Variants in SYNE1 observed in about 807,000 individuals in gnomAD.
SYNE1 encodes spectrin repeat containing nuclear envelope protein 1.
In SYNE1, 616 loss-of-function variants were observed where a neutral mutation model predicts 1,111.0. The ratio of observed to expected loss-of-function variants is 0.55; its 90% CI spans 0.52 to 0.59. The LOEUF (loss-of-function observed/expected upper bound fraction) is 0.59. Ranked by LOEUF, SYNE1 falls within the 20% of genes least tolerant of loss-of-function variation. The pLI is 0.00. For missense variants in SYNE1, 10,006 were observed against 10,417.0 expected (o/e 0.96, Z 1.72); for synonymous variants, 3,855 against 3,825.8 (o/e 1.01, Z -0.28).
At chr6:152,388,454 G>C (rs2097557043) in intron 53 of SYNE1, among the ~76,000 whole-genome samples, 1 of 152,060 alleles carries the variant, frequency 6.6e-6, no homozygotes. Flanking sequence ...TTTTGACTGT[G>C]ACTTCAGATA....
At chr6:152,615,659 A>T (rs537765553) in intron 3 of SYNE1, among the ~76,000 whole-genome samples, 2 of 152,354 alleles carry the variant, frequency 1.3e-5, no homozygotes, top group Admixed American at 1.3e-4. Context: ...TGATTAAAAC[A>T]TCTTTTACAT....
At chr6:152,218,014 G>GGCTAACATGA in intron 121 of SYNE1, among the ~76,000 whole-genome samples, 1 of 152,066 alleles carries the variant, frequency 6.6e-6, no homozygotes, top group Non-Finnish European at 1.5e-5. Context: ...TTCAAGACCA[G>GGCTAACATGA]TGAAACCTCG....
At chr6:152,617,010 G>T (rs886632946) in intron 3 of SYNE1, among the ~76,000 whole-genome samples, 3 of 152,128 alleles carry the variant, frequency 2.0e-5, no homozygotes, top group Non-Finnish European at 2.9e-5. Context: ...CTATGCAAAA[G>T]AACAATCTTG....
chr6:152,526,084 T>C lies in SYNE1; in HGVS notation c.221A>G (p.Lys74Arg). ...LALLEVLSGQ[K>R]LPCEQGRRMK... ...ATCACACAAAAAAATTCTTACCAGT[T>C]TCTGCCCAGACAGGACCTCCAGAAG... The change falls in exon 5 of 146, where the codon AAA (lysine) becomes AGA (arginine). Residue 74 changes from lysine to arginine, a missense_variant. Lys to Arg is a conservative substitution (Grantham distance 26). Coordinates refer to ENST00000367255, the MANE Select transcript of SYNE1 (RefSeq NM_182961.4). 6.2e-7 allele frequency: 1 copy of C among 1,613,916 alleles called. No individual in the cohort carries two copies. Among genetic ancestry groups the C allele is most frequent in the Non-Finnish European group, 8.5e-7 (1 of 1,179,882 alleles).
chr6:152,147,105 C>T (rs2059640953), intron 137 of SYNE1: 1 of 152,362 alleles, frequency 6.6e-6, no homozygotes, highest in African/African-American at 2.4e-5. Context: ...GGCCTAGGAC[C>T]ACCTGCATCT....
At chr6:152,282,035 T>C in intron 96 of SYNE1, 55 bp from the exon 97 acceptor site, 1 of 1,568,990 alleles carries the variant, frequency 6.4e-7, no homozygotes, top group Admixed American at 1.7e-5. Context: ...ATCTTGAGAA[T>C]TTAACACAGT....
chr6:152,435,806 A>T, intron 33 of SYNE1, 135 bp downstream of exon 33: 1 of 1,084,176 alleles, frequency 9.2e-7, no homozygotes, highest in Non-Finnish European at 1.3e-6. Context: ...TTGAACTGTG[A>T]GTTGTTTCCT....
intron 6 of SYNE1, chr6:152,511,683 G>A: frequency 7.3e-7 from 1 of 1,371,346 alleles, no homozygotes; most frequent in Non-Finnish European, 1.0e-6. Flanking sequence ...AAAGAGGTAG[G>A]TAGTCAGTTT....
intron 90 of SYNE1, 108 bp downstream of exon 90, chr6:152,309,727 G>C: frequency 2.1e-6 from 3 of 1,428,938 alleles, no homozygotes; most frequent in Admixed American, 3.7e-5. Flanking sequence ...CAGCCTGTCA[G>C]ATTCAACACC....
chr6:152,472,597 T>A (rs1365987373), intron 14 of SYNE1, 184 bp from the exon 15 acceptor site: 4 of 705,844 alleles, frequency 5.7e-6, no homozygotes, highest in Non-Finnish European at 1.0e-5. Flanking sequence ...GTGCTTGTAC[T>A]TAAAACACTA....
intron 75 of SYNE1, among the ~76,000 whole-genome samples, chr6:152,338,433 G>T (rs2096455593): frequency 6.6e-6 from 1 of 152,056 alleles, no homozygotes; most frequent in Non-Finnish European, 1.5e-5. Context: ...ACCAGCCTGG[G>T]AAACACAGCG....
intron 130 of SYNE1, among the ~76,000 whole-genome samples, chr6:152,175,753 A>C (rs2066303788): frequency 6.6e-6 from 1 of 152,174 alleles, no homozygotes; most frequent in Non-Finnish European, 1.5e-5. Flanking sequence ...TGCATCATTC[A>C]TATTAGACTT....
At chr6:152,449,882 G>A (rs2098633025) in intron 27 of SYNE1, among the ~76,000 whole-genome samples, 1 of 152,202 alleles carries the variant, frequency 6.6e-6, no homozygotes, top group African/African-American at 2.4e-5. Context: ...AAAAAGATGT[G>A]TTCTAGGGAA....
intron 25 of SYNE1, among the ~76,000 whole-genome samples, chr6:152,452,039 G>A (rs1375983050): frequency 2.0e-5 from 3 of 151,884 alleles, no homozygotes; most frequent in East Asian, 3.9e-4. Flanking sequence ...CATAGCCCAG[G>A]CTGCTGACCA....
At chr6:152,476,982 C>G (rs983567534) in intron 14 of SYNE1, among the ~76,000 whole-genome samples, 35 of 151,870 alleles carry the variant, frequency 2.3e-4, no homozygotes, top group African/African-American at 7.7e-4. Context: ...TGAGGCAGTT[C>G]AAAGAAACAA....
chr6:152,419,621 G>A lies in SYNE1; in HGVS notation c.5369C>T (p.Thr1790Ile), dbSNP rs1554666956. Residue 1790 changes from threonine to isoleucine, a missense_variant, in exon 40 of 146, where the codon ACT becomes ATT. Physicochemically the swap from Thr to Ile is moderately conservative, Grantham distance 89. Transcript: ENST00000367255. ...GTCCATTATGCTAATCTCAGAGGTA[G>A]TTTGTAATTCACTGAGAAACAGTTT... ...WIKLFLSELQ[T>I]TSEISIMDHQ... 5 of 1,613,588 alleles carry A rather than the reference G, an allele frequency of 3.1e-6. No homozygotes were observed. Among genetic ancestry groups the A allele is most frequent in the Middle Eastern group, 1.7e-4 (1 of 6,060 alleles).
intron 74 of SYNE1, among the ~76,000 whole-genome samples, chr6:152,341,607 C>T (rs918277669): frequency 3.3e-5 from 5 of 152,058 alleles, no homozygotes; most frequent in African/African-American, 9.7e-5. Context: ...GTTTACTAGA[C>T]GGGTGGTGTT....
At chr6:152,541,480 G>A (rs891633785) in intron 3 of SYNE1, among the ~76,000 whole-genome samples, 9 of 152,042 alleles carry the variant, frequency 5.9e-5, no homozygotes, top group Admixed American at 3.3e-4. Flanking sequence ...CAGGCGTGGC[G>A]GCTCATGCCT....
chr6:152,357,066 A>T (rs560357217), intron 66 of SYNE1, among the ~76,000 whole-genome samples: 15 of 152,358 alleles, frequency 9.8e-5, no homozygotes, highest in African/African-American at 3.6e-4. Context: ...TGGAGGCAGG[A>T]TGGATGAGAC....
Sources: gnomAD v4.1 joint callset for allele counts (sites outside exome capture counted in the v4.1 genomes callset) on GRCh38, gnomAD v4.1.1 for gene constraint, MANE v1.5 for transcripts, NCBI Gene and HGNC (gene_info 2026-07-23, HGNC 2026-07-21) for gene names.